Variants in ARK2N observed in about 807,000 individuals in gnomAD.
The protein encoded by ARK2N is protein ARK2N.
chr18:46,226,692 G>T, the ARK2N span, among the ~76,000 whole-genome samples: 1 of 151,994 alleles, frequency 6.6e-6, no homozygotes, highest in African/African-American at 2.4e-5. Flanking sequence ...ATCTTTTAAA[G>T]ATTTCTAGTA....
chr18:46,212,390 A>G, the ARK2N span, among the ~76,000 whole-genome samples: 2 of 152,196 alleles, frequency 1.3e-5, no homozygotes, highest in Admixed American at 1.3e-4. Flanking sequence ...GTATCTTTCC[A>G]GAGTCTATGC....
chr18:46,243,272 A>G, the ARK2N span, among the ~76,000 whole-genome samples: 8 of 152,230 alleles, frequency 5.3e-5, no homozygotes, highest in Admixed American at 2.0e-4. Flanking sequence ...GGCTTGGACT[A>G]TTAGTCAGAT....
chr18:46,243,422 A>G, the ARK2N span, among the ~76,000 whole-genome samples: 17 of 152,142 alleles, frequency 1.1e-4, no homozygotes, highest in East Asian at 2.9e-3. Flanking sequence ...CAGCATCTCA[A>G]CCCAGGTCCA....
the ARK2N span, among the ~76,000 whole-genome samples, chr18:46,236,946 C>G: frequency 6.6e-6 from 1 of 151,778 alleles, no homozygotes; most frequent in South Asian, 2.1e-4. Context: ...TCACTGCAAC[C>G]TCCGCCTCCT....
At chr18:46,216,622 TA>T in the ARK2N span, 1 of 1,559,810 alleles carries the variant, frequency 6.4e-7, no homozygotes, top group Non-Finnish European at 8.7e-7. The surrounding 1 kb of genome is among the most constrained non-coding windows in gnomAD (Gnocchi z 4.3). Flanking sequence ...AAACTGACTG[TA>T]AAGTACCTGA....
chr18:46,235,923 G>A, the ARK2N span, among the ~76,000 whole-genome samples: 3 of 152,090 alleles, frequency 2.0e-5, no homozygotes, highest in Non-Finnish European at 4.4e-5. Context: ...AAACTAATTC[G>A]TAAAATTAAA....
the ARK2N span, among the ~76,000 whole-genome samples, chr18:46,194,306 A>G: frequency 6.6e-6 from 1 of 151,104 alleles, no homozygotes; most frequent in East Asian, 2.0e-4. Context: ...GGGAGGTTTA[A>G]GATTCTTTAA....
chr18:46,228,271 G>A, the ARK2N span, among the ~76,000 whole-genome samples: 1 of 152,084 alleles, frequency 6.6e-6, no homozygotes, highest in East Asian at 1.9e-4. Context: ...ATTTTTAGAT[G>A]TAAGAAAATA....
chr18:46,188,796 T>G, the ARK2N span, among the ~76,000 whole-genome samples: 1 of 152,170 alleles, frequency 6.6e-6, no homozygotes, highest in Non-Finnish European at 1.5e-5. Flanking sequence ...GGGGATCACT[T>G]GAGCCCAGGA....
chr18:46,200,515 C>G, the ARK2N span, among the ~76,000 whole-genome samples: 2 of 152,058 alleles, frequency 1.3e-5, no homozygotes, highest in South Asian at 4.2e-4. Flanking sequence ...ACTATGTTGG[C>G]CAGGCTGGGC....
the ARK2N span, among the ~76,000 whole-genome samples, chr18:46,205,075 T>A: frequency 6.6e-6 from 1 of 152,022 alleles, no homozygotes; most frequent in Non-Finnish European, 1.5e-5. Context: ...GCCTGGCTAA[T>A]TTTTTGTATT....
the ARK2N span, among the ~76,000 whole-genome samples, chr18:46,245,573 T>TAAA: frequency 8.5e-6 from 1 of 117,414 alleles, no homozygotes; most frequent in Non-Finnish European, 1.7e-5. Context: ...TCTGTCTCAA[T>TAAA]AAAAAAAAAA....
At chr18:46,231,234 C>T in the ARK2N span, among the ~76,000 whole-genome samples, 1 of 152,220 alleles carries the variant, frequency 6.6e-6, no homozygotes, top group African/African-American at 2.4e-5. Flanking sequence ...ATTTGGAGGG[C>T]TCCAAGGGAA....
chr18:46,206,463 T>C, the ARK2N span, among the ~76,000 whole-genome samples: 1 of 152,182 alleles, frequency 6.6e-6, no homozygotes, highest in African/African-American at 2.4e-5. Context: ...TTTTTCTCTT[T>C]TAGAGAACTT....
the ARK2N span, chr18:46,232,422 C>G: frequency 2.6e-5 from 4 of 152,100 alleles, no homozygotes; most frequent in African/African-American, 9.7e-5. Context: ...TTGTGGAATG[C>G]CACATGTCAG....
the ARK2N span, among the ~76,000 whole-genome samples, chr18:46,245,363 C>T: frequency 4.0e-5 from 6 of 151,710 alleles, no homozygotes; most frequent in South Asian, 2.1e-4. Flanking sequence ...GTCAGGAGTT[C>T]GAGACCAGCC....
chr18:46,234,370 G>A, the ARK2N span, among the ~76,000 whole-genome samples: 1 of 151,876 alleles, frequency 6.6e-6, no homozygotes, highest in African/African-American at 2.4e-5. Flanking sequence ...GCTAATTTCT[G>A]TATTTTTAGT....
the ARK2N span, among the ~76,000 whole-genome samples, chr18:46,260,113 T>A: frequency 6.6e-6 from 1 of 152,168 alleles, no homozygotes; most frequent in African/African-American, 2.4e-5. Context: ...TCCTTAACAT[T>A]CCTGACAGAT....
At chr18:46,215,458 C>A in the ARK2N span, among the ~76,000 whole-genome samples, 1 of 152,056 alleles carries the variant, frequency 6.6e-6, no homozygotes, top group Non-Finnish European at 1.5e-5. Context: ...TTAAAGCATT[C>A]TTTTTCATTT....
Sources: allele counts gnomAD v4.1 joint callset (sites outside exome capture counted in the v4.1 genomes callset), GRCh38; gene constraint gnomAD v4.1.1; non-coding constraint Gnocchi (gnomAD v3.1); transcripts MANE v1.5; gene names NCBI Gene and HGNC (gene_info 2026-07-23, HGNC 2026-07-21).